Variants in ADAMTS20 observed in about 807,000 individuals in gnomAD.
ADAMTS20 encodes ADAM metallopeptidase with thrombospondin type 1 motif 20.
Under a neutral mutation model 260.1 loss-of-function variants are expected in ADAMTS20, and 225 were observed. The observed-to-expected ratio is 0.87, with a 90% CI of 0.78 to 0.97. The LOEUF (loss-of-function observed/expected upper bound fraction) is 0.97, where lower values mean the gene tolerates loss of function less well. Ranked by LOEUF, ADAMTS20 falls within the 50% of genes least tolerant of loss-of-function variation. The probability of loss-of-function intolerance (pLI) is 0.00; values close to 1 mark genes in which losing one functional copy is unlikely to be tolerated. For missense variants in ADAMTS20, 2,400 were observed against 2,337.7 expected, an observed-to-expected ratio of 1.03 and a Z score of -0.55; for synonymous variants, 802 against 769.5, an observed-to-expected ratio of 1.04 and a Z score of -0.70.
chr12:43,521,310 C>G (rs1307868715), intron 3 of ADAMTS20, among the ~76,000 whole-genome samples: 1 of 152,146 alleles, frequency 6.6e-6, no homozygotes, highest in Non-Finnish European at 1.5e-5. Flanking sequence ...TCCTCCAGAC[C>G]AATGCTGATT....
rs530572183 is a variant in ADAMTS20 at position 43,417,959 on chromosome 12, T to C, written c.4284+7555A>G. ...CATACGTATAACTCAAAATCATCTG[T>C]AGTGAGATGAGGAGTGCCAGGAGGA... On this transcript the variant is annotated intron_variant, in intron 28 of 38. Transcript: ENST00000389420. Among the ~76,000 whole-genome samples the C allele has an allele frequency of 9.1e-4, 138 of 152,274 alleles. 1 individual carries two copies. Among genetic ancestry groups the C allele is most frequent in the Middle Eastern group, 6.8e-3 (2 of 294 alleles).
At chr12:43,400,556 T>C (rs190513914) in intron 28 of ADAMTS20, among the ~76,000 whole-genome samples, 154 of 152,108 alleles carry the variant, frequency 1.0e-3, no homozygotes, top group African/African-American at 3.5e-3. Context: ...AAATCTCTAA[T>C]GGATCTTCAT....
intron 7 of ADAMTS20, among the ~76,000 whole-genome samples, chr12:43,488,215 T>A (rs1251536030): frequency 6.6e-6 from 1 of 152,072 alleles, no homozygotes; most frequent in South Asian, 2.1e-4. Flanking sequence ...ATGGATGTGG[T>A]TATAGAGTTC....
At chr12:43,443,918 A>G in intron 15 of ADAMTS20, 35 bp from the exon 16 acceptor site, 1 of 1,556,542 alleles carries the variant, frequency 6.4e-7, no homozygotes, top group Non-Finnish European at 8.9e-7. Context: ...AAATTTCACA[A>G]AAAGCAGATG....
At position 43,537,573 on chromosome 12, in the gene ADAMTS20, T is replaced by C. The variant is rs1388915519; in HGVS notation, c.454-5378A>G. Among the ~76,000 whole-genome samples the C allele has an allele frequency of 2.0e-5, 3 of 152,286 alleles. No individual in the cohort carries two copies. The South Asian group carries it at 6.2e-4, about 32-fold the overall frequency. Reference sequence around the variant, plus strand: ...TTTAAAATATACAATTAAATTATTATTGACTATAGTCACCTGTTGTACTAG... The same window carrying C: ...TTTAAAATATACAATTAAATTATTACTGACTATAGTCACCTGTTGTACTAG... On this transcript the variant is annotated intron_variant, in intron 2 of 38. Coordinates refer to ENST00000389420, the MANE Select transcript of ADAMTS20 (RefSeq NM_025003.5).
intron 28 of ADAMTS20, among the ~76,000 whole-genome samples, chr12:43,403,054 A>G (rs765767287): frequency 1.3e-5 from 2 of 152,136 alleles, no homozygotes; most frequent in African/African-American, 2.4e-5. Flanking sequence ...AAGGCCTGAA[A>G]ATGTAGTAGA....
chr12:43,471,384 T>A (rs1388515785), intron 7 of ADAMTS20, among the ~76,000 whole-genome samples: 1 of 128,824 alleles, frequency 7.8e-6, no homozygotes, highest in Admixed American at 8.2e-5. Context: ...GAGATCAAAC[T>A]GCAAGGCGGC....
rs80003875 is a variant in ADAMTS20, at chr12:43,434,084, G to A, written c.2720+161C>T. Reference sequence around the variant, plus strand: ...ATGAATGAAAATTCAAATCAATTATGTACTGAGTTTTACCATAAAATAGTG... The same window carrying A: ...ATGAATGAAAATTCAAATCAATTATATACTGAGTTTTACCATAAAATAGTG... On this transcript the variant is annotated intron_variant, in intron 19 of 38. Transcript: ENST00000389420. Among the ~76,000 whole-genome samples the A allele has an allele frequency of 4.3e-3, 657 of 152,240 alleles. 6 individuals are homozygous for A. Among genetic ancestry groups the A allele is most frequent in the African/African-American group, 0.015 (624 of 41,534 alleles).
Position 43,466,777 on chromosome 12 carries a change from A to G in ADAMTS20, c.1242T>C (p.Asp414=). The G allele has an allele frequency of 6.2e-7, 1 of 1,600,752 alleles. No homozygotes were observed. ...TCATTTCTTTACATCTAGGATTATC[A>G]TCATGTTGAACACCAAGTCTAAAAA... is the stretch of plus-strand genomic sequence containing the variant. ...ELGHTLGVQH[D]DNPRCKEMKV... The change falls in exon 9 of 39, where the codon GAT becomes GAC. Residue 414 remains aspartate (D), a synonymous_variant. Transcript: ENST00000389420.
intron 28 of ADAMTS20, among the ~76,000 whole-genome samples, chr12:43,410,131 G>A (rs998543062): frequency 6.6e-6 from 1 of 152,076 alleles, no homozygotes; most frequent in Non-Finnish European, 1.5e-5. Context: ...GGAAGGTACA[G>A]GCAGGAAGAA....
At chr12:43,366,587 A>C (rs572633799) in intron 37 of ADAMTS20, among the ~76,000 whole-genome samples, 11 of 152,020 alleles carry the variant, frequency 7.2e-5, no homozygotes, top group African/African-American at 2.6e-4. Context: ...CAATAAATTT[A>C]GTGGATAAAA....
At chr12:43,538,327 G>T (rs1263422296) in intron 2 of ADAMTS20, among the ~76,000 whole-genome samples, 1 of 152,152 alleles carries the variant, frequency 6.6e-6, no homozygotes, top group Non-Finnish European at 1.5e-5. Context: ...TTTTAAGAAA[G>T]TCTATTCAAA....
intron 28 of ADAMTS20, among the ~76,000 whole-genome samples, chr12:43,411,623 C>T (rs983600366): frequency 2.6e-5 from 4 of 152,172 alleles, no homozygotes; most frequent in African/African-American, 9.7e-5. Flanking sequence ...CCACCTCAGC[C>T]TCCCAAAGTG....
intron 29 of ADAMTS20, among the ~76,000 whole-genome samples, chr12:43,389,747 T>C (rs1592043314): frequency 6.6e-6 from 1 of 152,306 alleles, no homozygotes; most frequent in South Asian, 2.1e-4. Context: ...AAGGATGGAC[T>C]TTCCTCCACT....
chr12:43,479,471 C>A (rs1942409792), intron 7 of ADAMTS20, among the ~76,000 whole-genome samples: 2 of 151,960 alleles, frequency 1.3e-5, no homozygotes, highest in African/African-American at 4.8e-5. Context: ...CAAAGAATAT[C>A]AATAGATCAC....
intron 37 of ADAMTS20, among the ~76,000 whole-genome samples, chr12:43,362,724 CAAGAA>C (rs1939897783): frequency 6.6e-5 from 10 of 150,730 alleles, no homozygotes; most frequent in South Asian, 2.1e-4. Flanking sequence ...AGAAGAAAAT[CAAGAA>C]GATTTTCTTC....
At chr12:43,529,027 C>A (rs1943185276) in intron 3 of ADAMTS20, among the ~76,000 whole-genome samples, 1 of 152,042 alleles carries the variant, frequency 6.6e-6, no homozygotes, top group Non-Finnish European at 1.5e-5. Context: ...AGAAGATATA[C>A]AAATGGCCAA....
intron 11 of ADAMTS20, among the ~76,000 whole-genome samples, chr12:43,455,745 G>A (rs367752649): frequency 2.5e-4 from 37 of 147,706 alleles, no homozygotes; most frequent in African/African-American, 8.0e-4. Context: ...GTCTCGCTCC[G>A]TCACCCAGGC....
chr12:43,538,404 T>C (rs1005552057), intron 2 of ADAMTS20, among the ~76,000 whole-genome samples: 1 of 152,226 alleles, frequency 6.6e-6, no homozygotes, highest in Non-Finnish European at 1.5e-5. Context: ...ACTCCTTATA[T>C]ATTCTGGTTA....
Sources: gnomAD v4.1 joint callset for allele counts (sites outside exome capture counted in the v4.1 genomes callset) on GRCh38, gnomAD v4.1.1 for gene constraint, MANE v1.5 for transcripts, NCBI Gene and HGNC (gene_info 2026-07-23, HGNC 2026-07-21) for gene names.